The following RBL1 variants were observed in gnomAD, a reference collection of about 807,000 sequenced individuals.
RBL1 encodes retinoblastoma-like protein 1.
A neutral mutation model predicts 123.0 loss-of-function variants in RBL1; 82 were observed. The ratio of observed to expected loss-of-function variants is 0.67; its 90% CI spans 0.56 to 0.80. The LOEUF (loss-of-function observed/expected upper bound fraction) is 0.80. RBL1 is among the 30% of genes least tolerant of loss of function. The pLI, the probability that RBL1 is intolerant of heterozygous loss-of-function variation, is 0.00. For synonymous variants in RBL1, 405 were observed against 441.3 expected, an observed-to-expected ratio of 0.92 and a Z score of 1.03; for missense variants, 1,171 against 1,299.6, an observed-to-expected ratio of 0.90 and a Z score of 1.52.
intron 2 of RBL1, chr20:37,081,770 T>C (rs1314572373): frequency 1.2e-5 from 4 of 325,970 alleles, no homozygotes; most frequent in Non-Finnish European, 2.4e-5. Context: ...TGTCTATGAT[T>C]GTGTCCTTAG....
At chr20:37,060,429 A>C (rs572797413) in intron 9 of RBL1, among the ~76,000 whole-genome samples, 14 of 152,274 alleles carry the variant, frequency 9.2e-5, no homozygotes, top group Admixed American at 7.2e-4. Context: ...ATAATCTTTA[A>C]GGTACACTTA....
intron 9 of RBL1, 151 bp downstream of exon 9, chr20:37,060,952 T>G: frequency 1.2e-6 from 1 of 867,918 alleles, no homozygotes; most frequent in Non-Finnish European, 1.7e-6. Flanking sequence ...AATATGGTTT[T>G]AGGTCAATAT....
intron 14 of RBL1, 150 bp downstream of exon 14, chr20:37,040,003 G>A (rs2064693744): frequency 2.3e-6 from 2 of 878,386 alleles, no homozygotes; most frequent in East Asian, 5.2e-5. Context: ...AGCTACACAG[G>A]GGTGCTGGCA....
At chr20:37,014,725 C>T (rs533051217) in intron 19 of RBL1, among the ~76,000 whole-genome samples, 1 of 151,748 alleles carries the variant, frequency 6.6e-6, no homozygotes, top group South Asian at 2.1e-4. Flanking sequence ...GACTGTGCCA[C>T]TGTACTCCAG....
chr20:37,008,641 A>G (rs993269837), intron 19 of RBL1, among the ~76,000 whole-genome samples: 5 of 152,226 alleles, frequency 3.3e-5, no homozygotes, highest in Admixed American at 2.0e-4. Context: ...AAAAGAATTT[A>G]GCACATATAT....
chr20:37,083,983 A>G (rs561511629), intron 2 of RBL1, among the ~76,000 whole-genome samples: 1 of 147,194 alleles, frequency 6.8e-6, no homozygotes, highest in Non-Finnish European at 1.5e-5. Context: ...ATCATAACTC[A>G]CTGCAGCCTC....
At chr20:37,012,963 T>C (rs1568821707) in intron 19 of RBL1, among the ~76,000 whole-genome samples, 1 of 141,444 alleles carries the variant, frequency 7.1e-6, no homozygotes, top group African/African-American at 2.7e-5. Flanking sequence ...GGGAGGGAGG[T>C]GGGGGGGTCA....
At chr20:37,066,415 C>T (rs1443140890) in intron 6 of RBL1, among the ~76,000 whole-genome samples, 1 of 152,210 alleles carries the variant, frequency 6.6e-6, no homozygotes, top group Non-Finnish European at 1.5e-5. Flanking sequence ...TTCTGACCTC[C>T]TGTTTTTCCT....
chr20:37,089,108 G>C lies in RBL1; in HGVS notation c.171C>G (p.His57Gln), dbSNP rs2146336514. The C allele has an allele frequency of 1.2e-6, 2 of 1,604,054 alleles. No individual in the cohort carries two copies. The highest frequency in any genetic ancestry group is 2.3e-5 in the East Asian group (1 of 44,360). The change falls in exon 2 of 22, where the codon CAC (histidine) becomes CAG (glutamine). Residue 57 changes from histidine to glutamine, a missense_variant. Transcript: ENST00000373664. ...GNYSLEGEVT[H>Q]WLACSLYVAC... ...CAACATATAATGAACATGCCAACCA[G>C]TGTGTAACTTCTCCCTGGCAAGCAA... is the stretch of plus-strand genomic sequence containing the variant.
At position 37,062,392 on chromosome 20, in the gene RBL1, T is replaced by C. The variant is rs981967357; in HGVS notation, c.897-122A>G. ...ACAACTTTCTAATTTTTATTAACTC[T>C]GACCATCTAACAATATCAGAGGGTC... On this transcript the variant is annotated intron_variant, in intron 7 of 21. Transcript: ENST00000373664. 6 of 1,432,008 alleles carry C rather than the reference T, an allele frequency of 4.2e-6. No homozygotes were observed. In the Admixed American group the frequency reaches 1.7e-4, roughly 41 times the overall value. The allele number at this position is 1,432,008 out of a possible 1,614,324, so 88.7% of individuals were successfully genotyped here. A position where few individuals can be genotyped will look rare whatever the true frequency, so the allele number is the denominator to read the frequency against.
chr20:37,005,083 C>A lies in RBL1; in HGVS notation c.2872-1217G>T, dbSNP rs1055810050. Among the ~76,000 whole-genome samples the A allele has an allele frequency of 2.6e-5, 4 of 151,894 alleles. No individual in the cohort carries two copies. In the South Asian group the frequency reaches 8.3e-4, roughly 32 times the overall value. On this transcript the variant is annotated intron_variant, in intron 20 of 21. Coordinates refer to ENST00000373664, the MANE Select transcript of RBL1 (RefSeq NM_002895.5). The stretch of plus-strand genomic sequence containing the variant: ...CTGGACAAGACACCAGGAGTTAAGC[C>A]ACGAGCATGAGAACCTCATATTCAT...
In RBL1 at chr20:37,089,089, A is replaced by G; in HGVS notation, c.190T>C (p.Tyr64His). ...ATAATGCTTTTGCGGCATGCAACATATAATGAACATGCCAACCAGTGTGTA... is the reference window on the plus strand; with the variant it reads ...ATAATGCTTTTGCGGCATGCAACATGTAATGAACATGCCAACCAGTGTGTA... ...EVTHWLACSL[Y>H]VACRKSIIPT... Residue 64 changes from tyrosine to histidine, a missense_variant, in exon 2 of 22, where the codon TAT (tyrosine) becomes CAT (histidine). Tyr to His is a moderately conservative substitution (Grantham distance 83). Coordinates refer to ENST00000373664, the MANE Select transcript of RBL1 (RefSeq NM_002895.5). 2 of 1,611,410 alleles carry G rather than the reference A, an allele frequency of 1.2e-6. No homozygotes were observed. Among genetic ancestry groups the G allele is most frequent in the Non-Finnish European group, 1.7e-6 (2 of 1,178,550 alleles).
chr20:37,095,857 C>CAGGGCCT lies in RBL1; in HGVS notation c.65_71dup (p.Cys25GlyfsTer73). On this transcript the variant is annotated frameshift_variant, in exon 1 of 22. Transcript: ENST00000373664. LOFTEE classifies it high-confidence loss of function. ...CCTCGTCCAGGTTCAGCTCCTGGCA[C>CAGGGCCT]AGGGCCTGTAGCGCCTCCCCGGCTG... The CAGGGCCT allele has an allele frequency of 6.2e-7, 1 of 1,608,098 alleles. No homozygotes were observed. Among genetic ancestry groups the CAGGGCCT allele is most frequent in the Non-Finnish European group, 8.5e-7 (1 of 1,178,164 alleles).
chr20:37,045,433 T>G (rs949244377), intron 12 of RBL1, among the ~76,000 whole-genome samples: 2 of 151,570 alleles, frequency 1.3e-5, no homozygotes. Context: ...TTTTCTTCAA[T>G]GAGCACATAT....
chr20:37,082,706 T>C (rs1212317883), intron 2 of RBL1, among the ~76,000 whole-genome samples: 3 of 152,190 alleles, frequency 2.0e-5, no homozygotes, highest in African/African-American at 7.2e-5. Flanking sequence ...ATAAATAATC[T>C]AGAGATGGGA....
chr20:37,012,690 G>A (rs1000844737), intron 19 of RBL1, among the ~76,000 whole-genome samples: 1 of 151,542 alleles, frequency 6.6e-6, no homozygotes, highest in African/African-American at 2.4e-5. Context: ...CCGGGAGGGA[G>A]GTGGGGGTCA....
Position 37,068,012 on chromosome 20 carries a change from T to C in RBL1, c.465A>G (p.Pro155=). The change falls in exon 3 of 22, where the codon CCA becomes CCG. Residue 155 remains proline (P), a synonymous_variant. Transcript: ENST00000373664. The part of the protein sequence containing the change: ...DIFQNPYEEP[P]KLPRSRKQRR... ...TCTGCTTCCGGCTTCGTGGTAACTT[T>C]GGTGGTTCTTCATATGGATTTTGAA... is the stretch of plus-strand genomic sequence containing the variant. 1 of 1,613,824 alleles carries C rather than the reference T, an allele frequency of 6.2e-7. No individual in the cohort carries two copies. Among genetic ancestry groups the C allele is most frequent in the East Asian group, 2.2e-5 (1 of 44,842 alleles).
intron 2 of RBL1, among the ~76,000 whole-genome samples, chr20:37,084,787 CAG>C (rs1230861687): frequency 1.3e-5 from 2 of 152,014 alleles, no homozygotes; most frequent in Admixed American, 6.5e-5. Flanking sequence ...TTTTTTGAGA[CAG>C]AGTTTTGCTC....
rs947408306 is a variant in RBL1 at position 37,062,069 on chromosome 20, G to A, written c.1083+15C>T. The A allele has an allele frequency of 3.1e-6, 5 of 1,605,006 alleles. No individual in the cohort carries two copies. The African/African-American group carries it at 6.7e-5, about 22-fold the overall frequency. On this transcript the variant is annotated intron_variant, in intron 8 of 21. Coordinates refer to ENST00000373664, the MANE Select transcript of RBL1 (RefSeq NM_002895.5). ...AAAGATCATTCAAGATTGAGGCCAG[G>A]CTAGGTTATATTACTTTTTCAAAGT...
Sources: allele counts gnomAD v4.1 joint callset (sites outside exome capture counted in the v4.1 genomes callset), GRCh38; gene constraint gnomAD v4.1.1; transcripts MANE v1.5; gene names NCBI Gene and HGNC (gene_info 2026-07-23, HGNC 2026-07-21).